AATF: variants seen among roughly 807,000 people sequenced by gnomAD.
AATF encodes apoptosis antagonizing transcription factor.
A neutral mutation model predicts 63.7 loss-of-function variants in AATF; 48 were observed. That is an observed-to-expected ratio of 0.75 (90% CI 0.60 to 0.96). The LOEUF (loss-of-function observed/expected upper bound fraction) is 0.96, where lower values mean the gene tolerates loss of function less well. Ranked by LOEUF, AATF falls within the 40% of genes least tolerant of loss-of-function variation. AATF has a pLI of 0.00. For synonymous variants in AATF, 258 were observed against 247.7 expected (o/e 1.04, Z -0.39); for missense variants, 639 against 685.7 (o/e 0.93, Z 0.76).
Position 37,037,913 on chromosome 17 carries a change from C to T in AATF, c.1619+6228C>T, listed in dbSNP as rs193037213. On this transcript the variant is annotated intron_variant, in intron 11 of 11. Transcript: ENST00000619387. ...GCAGTGTGTGGCTTCTCCCCTGTCC[C>T]CACTCTCTCTCTTGCTCCTGCTGTG... 1.5e-4 allele frequency among the ~76,000 whole-genome samples: 23 copies of T among 152,254 alleles called. No homozygotes were observed. In the East Asian group the frequency reaches 3.3e-3, roughly 22 times the overall value.
In AATF at chr17:36,991,100, CT is replaced by C. The variant is rs564667248; in HGVS notation, c.1398+244del. Among the ~76,000 whole-genome samples the C allele has an allele frequency of 2.0e-5, 3 of 152,228 alleles. No individual in the cohort carries two copies. The South Asian group carries it at 6.2e-4, about 32-fold the overall frequency. ...TTGTTGTTGCTTGAGTGTAAATTAG[CT>C]GTAAAACAGTTTCAGGTTTTTTTCT... On this transcript the variant is annotated intron_variant, in intron 8 of 11. Coordinates refer to ENST00000619387, the MANE Select transcript of AATF (RefSeq NM_012138.4).
intron 6 of AATF, among the ~76,000 whole-genome samples, 185 bp downstream of exon 6, chr17:36,988,905 T>A (rs1054232626): frequency 6.6e-6 from 1 of 152,196 alleles, no homozygotes; most frequent in Non-Finnish European, 1.5e-5. Flanking sequence ...ACTTGGGATT[T>A]TAACTTTATT....
At chr17:37,019,161 G>A (rs564640736) in intron 9 of AATF, 89 bp downstream of exon 9, 7 of 1,050,060 alleles carry the variant, frequency 6.7e-6, no homozygotes, top group African/African-American at 4.8e-5. Context: ...GCAAAGCAAT[G>A]ATTGGTCCTA....
At chr17:37,007,214 G>A (rs1196492067) in intron 8 of AATF, among the ~76,000 whole-genome samples, 2 of 152,036 alleles carry the variant, frequency 1.3e-5, no homozygotes, top group East Asian at 3.9e-4. Context: ...TTGAAATAGG[G>A]TCTCACTCTG....
intron 8 of AATF, among the ~76,000 whole-genome samples, chr17:37,004,513 G>T (rs1268280591): frequency 1.3e-5 from 2 of 152,232 alleles, no homozygotes; most frequent in Non-Finnish European, 2.9e-5. Flanking sequence ...AAAAATGGAT[G>T]TTGCAGGAAA....
rs556779029 is a variant in AATF, at chr17:36,950,623, C to A, written c.283+218C>A. Among the ~76,000 whole-genome samples, 10 of 152,278 alleles carry A rather than the reference C, an allele frequency of 6.6e-5. No individual in the cohort carries two copies. In the South Asian group the frequency reaches 2.1e-3, roughly 32 times the overall value. The stretch of plus-strand genomic sequence containing the variant: ...CAAGCGAGGCTCCTGCCTCAGCCTC[C>A]CGAGTAGCTGGGATTACAGGCATGC... On this transcript the variant is annotated intron_variant, in intron 2 of 11. Transcript: ENST00000619387.
Position 36,948,995 on chromosome 17 carries a change from T to A in AATF, c.-131T>A. 1 of 870,924 alleles carries A rather than the reference T, an allele frequency of 1.1e-6. No individual in the cohort carries two copies. Among genetic ancestry groups the A allele is most frequent in the Non-Finnish European group, 1.8e-6 (1 of 566,034 alleles). 53.9% of individuals were successfully genotyped at this position (870,924 alleles called of 1,614,324 possible). On this transcript the variant is annotated 5_prime_UTR_variant, in exon 1 of 12. Coordinates refer to ENST00000619387, the MANE Select transcript of AATF (RefSeq NM_012138.4). ...GCCGGTCCAGAGCTGTGGGGTGGCC[T>A]CCGCGCGGTCTCTGGCGGAGTCGGG...
intron 4 of AATF, among the ~76,000 whole-genome samples, chr17:36,985,747 CACCA>C (rs2071163943): frequency 6.6e-6 from 1 of 151,750 alleles, no homozygotes. Context: ...GATGGGGTTT[CACCA>C]TGTTGGCTAG....
At chr17:36,968,266 C>CTTTTTTTTTTTTTTTTTTGTTTTTTT (rs2071009164) in intron 4 of AATF, among the ~76,000 whole-genome samples, 1 of 75,572 alleles carries the variant, frequency 1.3e-5, no homozygotes, top group African/African-American at 5.4e-5. Flanking sequence ...TTCTTTCCTT[C>CTTTTTTTTTTTTTTTTTTGTTTTTTT]TTTCTTTTTT....
At position 37,021,819 on chromosome 17, in the gene AATF, A is replaced by AAT. The variant is rs2071473638; in HGVS notation, c.1547+806_1547+807insTA. 6.2e-4 allele frequency among the ~76,000 whole-genome samples: 60 copies of AAT among 96,528 alleles called. 4 individuals are homozygous for AAT. The highest frequency in any genetic ancestry group is 2.1e-3 in the Admixed American group (22 of 10,380). 63.3% of individuals were successfully genotyped at this position (96,528 alleles called of 152,430 possible). On this transcript the variant is annotated intron_variant, in intron 10 of 11. Coordinates refer to ENST00000619387, the MANE Select transcript of AATF (RefSeq NM_012138.4). ...GACTCCGTCTCAAAAAAAAAAAAAAAAATAATAATAATAATAATAATAAAT... is the reference window on the plus strand; with the variant it reads ...GACTCCGTCTCAAAAAAAAAAAAAAAATAATAATAATAATAATAATAATAAAT...
chr17:37,018,951 G>A, intron 8 of AATF, 54 bp from the exon 9 acceptor site: 1 of 1,471,164 alleles, frequency 6.8e-7, no homozygotes, highest in Middle Eastern at 1.7e-4. Flanking sequence ...CCCTTTTAAA[G>A]TCAGTTGTAC....
intron 11 of AATF, among the ~76,000 whole-genome samples, chr17:37,053,012 A>G (rs1391422932): frequency 6.6e-6 from 1 of 152,214 alleles, no homozygotes; most frequent in Non-Finnish European, 1.5e-5. Flanking sequence ...TAATTCAGAA[A>G]GAGCAAAAAG....
At chr17:36,956,792 C>G (rs533062266) in intron 4 of AATF, among the ~76,000 whole-genome samples, 1 of 152,102 alleles carries the variant, frequency 6.6e-6, no homozygotes, top group Admixed American at 6.5e-5. Context: ...GCCTAGCCAA[C>G]GTGGTGAAAT....
At chr17:36,981,062 T>G (rs2071119819) in intron 4 of AATF, among the ~76,000 whole-genome samples, 1 of 152,040 alleles carries the variant, frequency 6.6e-6, no homozygotes, top group South Asian at 2.1e-4. Context: ...TGAGAACATA[T>G]GAGAGAGTAT....
At chr17:36,999,774 A>C (rs1236057271) in intron 8 of AATF, among the ~76,000 whole-genome samples, 2 of 152,202 alleles carry the variant, frequency 1.3e-5, no homozygotes, top group African/African-American at 4.8e-5. Context: ...GGAAATGACA[A>C]ACAGAGCCAT....
chr17:36,964,834 A>G (rs1054086607), intron 4 of AATF, among the ~76,000 whole-genome samples: 2 of 130,118 alleles, frequency 1.5e-5, no homozygotes, highest in Admixed American at 9.9e-5. Flanking sequence ...CTCTTGTGTT[A>G]AATTTTCCAT....
At chr17:36,972,871 G>C (rs928391493) in intron 4 of AATF, among the ~76,000 whole-genome samples, 1 of 152,038 alleles carries the variant, frequency 6.6e-6, no homozygotes, top group South Asian at 2.1e-4. Flanking sequence ...TATTCTTTCT[G>C]TCTCTTGGAA....
At chr17:36,984,609 T>G (rs1377832813) in intron 4 of AATF, among the ~76,000 whole-genome samples, 3 of 152,154 alleles carry the variant, frequency 2.0e-5, no homozygotes, top group Non-Finnish European at 4.4e-5. Flanking sequence ...AAGGTAAGAA[T>G]TCTGTTGTCA....
intron 4 of AATF, among the ~76,000 whole-genome samples, chr17:36,972,430 G>A (rs887395887): frequency 3.3e-5 from 5 of 152,130 alleles, no homozygotes; most frequent in African/African-American, 4.8e-5. Context: ...AAAATGTTTT[G>A]CAGACCTGGC....
Sources: gnomAD v4.1 joint callset for allele counts (sites outside exome capture counted in the v4.1 genomes callset) on GRCh38, gnomAD v4.1.1 for gene constraint, MANE v1.5 for transcripts, NCBI Gene and HGNC (gene_info 2026-07-23, HGNC 2026-07-21) for gene names.